ADAM12: variants seen among roughly 807,000 people sequenced by gnomAD.
ADAM12 encodes the protein ADAM metallopeptidase domain 12.
ADAM12 carries 70 observed loss-of-function variants against 106.4 expected under a neutral mutation model. The observed-to-expected ratio is 0.66, with a 90% confidence interval of 0.54 to 0.80. The LOEUF (loss-of-function observed/expected upper bound fraction) is 0.80. Among genes scored for constraint, ADAM12 ranks in the 30% least tolerant of loss-of-function variants. The probability of loss-of-function intolerance (pLI) is 0.00; values close to 1 mark genes in which losing one functional copy is unlikely to be tolerated. For missense variants in ADAM12, 1,010 were observed against 1,171.9 expected (o/e 0.86, Z 2.02); for synonymous variants, 420 against 433.5 (o/e 0.97, Z 0.39).
chr10:126,131,906 A>G (rs910078440), intron 5 of ADAM12, among the ~76,000 whole-genome samples: 2 of 152,060 alleles, frequency 1.3e-5, no homozygotes, highest in African/African-American at 4.8e-5. Flanking sequence ...GTATCCAGCC[A>G]TGCCTAGATT....
intron 2 of ADAM12, among the ~76,000 whole-genome samples, chr10:126,308,457 TACTTTGTCAAGCAA>T (rs1220036806): frequency 2.6e-5 from 4 of 152,228 alleles, no homozygotes. Flanking sequence ...AAATTTATAC[TACTTTGTCAAGCAA>T]ACTTTCAACA....
intron 3 of ADAM12, among the ~76,000 whole-genome samples, chr10:126,238,465 C>A (rs1381700281): frequency 1.3e-5 from 2 of 152,078 alleles, no homozygotes; most frequent in African/African-American, 4.8e-5. Flanking sequence ...GAGATAAGAG[C>A]AAAACTCCAT....
intron 1 of ADAM12, among the ~76,000 whole-genome samples, chr10:126,346,611 T>C (rs534434961): frequency 3.8e-4 from 58 of 152,340 alleles, no homozygotes; most frequent in Non-Finnish European, 6.2e-4. Context: ...TGTCTAACGT[T>C]GACAGTGGGG....
intron 3 of ADAM12, among the ~76,000 whole-genome samples, chr10:126,267,199 C>G (rs547063334): frequency 1.3e-5 from 2 of 152,270 alleles, no homozygotes; most frequent in African/African-American, 2.4e-5. Context: ...TGTTGAATCA[C>G]AGTTACACCC....
chr10:126,313,682 C>A (rs969599819), intron 2 of ADAM12, among the ~76,000 whole-genome samples: 1 of 152,130 alleles, frequency 6.6e-6, no homozygotes, highest in Non-Finnish European at 1.5e-5. Flanking sequence ...TTCCCACCTG[C>A]CCTTCTATCC....
At chr10:126,272,455 T>C (rs923237672) in intron 3 of ADAM12, among the ~76,000 whole-genome samples, 1 of 152,182 alleles carries the variant, frequency 6.6e-6, no homozygotes, top group Non-Finnish European at 1.5e-5. Context: ...TTGGGAGGCA[T>C]GAGCAAGCAC....
intron 1 of ADAM12, among the ~76,000 whole-genome samples, chr10:126,370,928 G>A (rs1856091291): frequency 6.6e-6 from 1 of 152,132 alleles, no homozygotes; most frequent in African/African-American, 2.4e-5. Context: ...AGGGCCATAG[G>A]GATATTTTAA....
chr10:126,332,179 A>G (rs1316485358), intron 1 of ADAM12, among the ~76,000 whole-genome samples: 3 of 152,192 alleles, frequency 2.0e-5, no homozygotes, highest in Non-Finnish European at 4.4e-5. Context: ...ACCTGGTGAC[A>G]GGCACTCTTG....
At chr10:126,154,167 T>A (rs1218610387) in intron 4 of ADAM12, among the ~76,000 whole-genome samples, 1 of 152,132 alleles carries the variant, frequency 6.6e-6, no homozygotes, top group Non-Finnish European at 1.5e-5. Flanking sequence ...GCCCTTTGGG[T>A]CTTTGAATAG....
intron 21 of ADAM12, among the ~76,000 whole-genome samples, chr10:126,022,140 CAT>C (rs1210029271): frequency 6.6e-6 from 1 of 152,162 alleles, no homozygotes; most frequent in Non-Finnish European, 1.5e-5. Context: ...ATCATGGAAA[CAT>C]AGGAGATAGT....
rs189677808 is a variant in ADAM12 at position 126,155,877 on chromosome 10, G to A, written c.261-572C>T. Among the ~76,000 whole-genome samples, 19 of 152,294 alleles carry A rather than the reference G, an allele frequency of 1.2e-4. No homozygotes were observed. The East Asian group carries it at 2.9e-3, about 23-fold the overall frequency. On this transcript the variant is annotated intron_variant, in intron 3 of 22. Coordinates refer to ENST00000448723, the MANE Select transcript of ADAM12 (RefSeq NM_001288973.2). ...AAAAGCAGCAATGTATGTATGAGGT[G>A]AGGAAAAATGATTTTGCACATCCTG...
intron 18 of ADAM12, chr10:126,041,542 C>T (rs1954170022): frequency 1.0e-6 from 1 of 985,840 alleles, no homozygotes; most frequent in South Asian, 4.7e-5. Context: ...AGTTCACCGC[C>T]CTTTCTCCTA....
intron 3 of ADAM12, among the ~76,000 whole-genome samples, chr10:126,233,557 G>A (rs1381841087): frequency 2.6e-5 from 4 of 152,160 alleles, no homozygotes; most frequent in African/African-American, 4.8e-5. Context: ...GCTGGTATAT[G>A]TTGTGGGCTG....
chr10:126,149,191 G>T (rs1956684413), intron 4 of ADAM12, among the ~76,000 whole-genome samples: 1 of 152,216 alleles, frequency 6.6e-6, no homozygotes, highest in Admixed American at 6.5e-5. Context: ...CTGTGCACAT[G>T]TGAATCAGAG....
intron 11 of ADAM12, among the ~76,000 whole-genome samples, chr10:126,082,361 CTG>C (rs1955236860): frequency 2.0e-5 from 1 of 50,030 alleles, no homozygotes; most frequent in African/African-American, 9.0e-5. Flanking sequence ...AATCTAATGA[CTG>C]TTTTTTTTTT....
chr10:126,115,483 C>T (rs1026156501), intron 6 of ADAM12, among the ~76,000 whole-genome samples: 2 of 152,120 alleles, frequency 1.3e-5, no homozygotes, highest in Admixed American at 6.5e-5. Context: ...CTGTGCCCTT[C>T]GAGGGGCAGC....
chr10:126,063,027 T>C (rs999138667), intron 14 of ADAM12, among the ~76,000 whole-genome samples: 1 of 152,234 alleles, frequency 6.6e-6, no homozygotes, highest in Non-Finnish European at 1.5e-5. Context: ...TTAGTCCTTG[T>C]CATTGCAACA....
At chr10:126,132,530 C>G (rs867635322) in intron 5 of ADAM12, among the ~76,000 whole-genome samples, 2,782 of 141,976 alleles carry the variant, frequency 0.02, 77 homozygotes, top group East Asian at 0.044. Flanking sequence ...GAACACCCCC[C>G]CCCCCTCAAC....
At chr10:126,051,511 A>AGC (rs1954487431) in intron 14 of ADAM12, among the ~76,000 whole-genome samples, 1 of 146,018 alleles carries the variant, frequency 6.8e-6, no homozygotes, top group South Asian at 2.3e-4. Context: ...CCGTCCATCC[A>AGC]TCCATCCATC....
Sources: gnomAD v4.1 joint callset for allele counts (sites outside exome capture counted in the v4.1 genomes callset) on GRCh38, gnomAD v4.1.1 for gene constraint, MANE v1.5 for transcripts, NCBI Gene and HGNC (gene_info 2026-07-23, HGNC 2026-07-21) for gene names.